The following ATP5F1E variants were observed in gnomAD, a reference collection of about 807,000 sequenced individuals.
ATP5F1E encodes the protein ATP synthase F1 subunit epsilon.
ATP5F1E carries 5 observed loss-of-function variants against 7.0 expected under a neutral mutation model. The observed-to-expected ratio is 0.71, with a 90% CI of 0.37 to 1.49. The LOEUF is 1.49. Among genes scored for constraint, ATP5F1E ranks in the 40% most tolerant of loss-of-function variants. The probability of loss-of-function intolerance (pLI) is 0.03; values close to 1 mark genes in which losing one functional copy is unlikely to be tolerated. For missense variants in ATP5F1E, 59 were observed against 57.1 expected, an observed-to-expected ratio of 1.03 and a Z score of -0.11; for synonymous variants, 20 against 20.1, an observed-to-expected ratio of 0.99 and a Z score of 0.02.
Position 59,032,330 on chromosome 20 carries a change from A to G in ATP5F1E, c.-79T>C, listed in dbSNP as rs1434576965. The G allele has an allele frequency of 3.2e-6, 5 of 1,543,610 alleles. No individual in the cohort carries two copies. The African/African-American group carries it at 5.4e-5, about 17-fold the overall frequency. On this transcript the variant is annotated 5_prime_UTR_variant, in exon 1 of 3. Transcript: ENST00000243997. ...CGGCTCAGCCGGGCGGTTCAGCCGC[A>G]GGAAGATCAGACCACAGAAGCGGAA...
chr20:59,032,056 T>C (rs548953450), intron 1 of ATP5F1E, among the ~76,000 whole-genome samples, 164 bp downstream of exon 1: 4 of 152,348 alleles, frequency 2.6e-5, no homozygotes, highest in African/African-American at 9.6e-5. Flanking sequence ...CGCGCCCGCC[T>C]GAGCGCTTTG....
chr20:59,030,809 T>G (rs2092022863), intron 1 of ATP5F1E, among the ~76,000 whole-genome samples: 2 of 152,244 alleles, frequency 1.3e-5, no homozygotes, highest in Non-Finnish European at 2.9e-5. Flanking sequence ...CCTCGATTTC[T>G]CTCCTTAAAA....
At position 59,026,281 on chromosome 20, in the gene ATP5F1E, C is replaced by CA. The variant is rs1320639110; in HGVS notation, c.*2563dup. 3 of 152,266 alleles carry CA rather than the reference C, an allele frequency of 2.0e-5. No homozygotes were observed. The highest frequency in any genetic ancestry group is 2.9e-5 in the Non-Finnish European group (2 of 68,006). The allele number at this position is 152,266 out of a possible 1,614,324, so 9.4% of individuals were successfully genotyped here. On this transcript the variant is annotated 3_prime_UTR_variant, in exon 3 of 3. Transcript: ENST00000243997. ...CAACAAGTCTTCTATTTACAAACTT[C>CA]AAAAAACACAAAACAACATTCATGT...
chr20:59,031,095 C>T (rs768929038), intron 1 of ATP5F1E, among the ~76,000 whole-genome samples: 9 of 152,158 alleles, frequency 5.9e-5, no homozygotes, highest in Non-Finnish European at 1.0e-4. Context: ...GTCAGATCAC[C>T]TTTCCCACTT....
intron 1 of ATP5F1E, among the ~76,000 whole-genome samples, chr20:59,031,556 T>TA (rs528444313): frequency 1.6e-4 from 24 of 151,382 alleles, no homozygotes; most frequent in South Asian, 4.2e-4. Flanking sequence ...GGTGCACGGG[T>TA]AAAAAAAAAT....
chr20:59,032,033 G>T (rs1189668375), intron 1 of ATP5F1E, among the ~76,000 whole-genome samples, 187 bp downstream of exon 1: 1 of 152,246 alleles, frequency 6.6e-6, no homozygotes, highest in East Asian at 1.9e-4. Context: ...GCGCTCCCAC[G>T]CGAGGTCGAG....
In ATP5F1E at chr20:59,026,512, ACC is replaced by A. The variant is rs1403832089; in HGVS notation, c.*2331_*2332del. On this transcript the variant is annotated 3_prime_UTR_variant, in exon 3 of 3. Coordinates refer to ENST00000243997, the MANE Select transcript of ATP5F1E (RefSeq NM_006886.4). Reference sequence around the variant, plus strand: ...TAGATGTAAGGAAGGAGGGATTTAAACCTTTTAAAAAACTTTTGCTGACTTAT... The same window carrying A: ...TAGATGTAAGGAAGGAGGGATTTAAATTTTAAAAAACTTTTGCTGACTTAT... 1 of 152,208 alleles carries A rather than the reference ACC, an allele frequency of 6.6e-6. No individual in the cohort carries two copies. Among genetic ancestry groups the A allele is most frequent in the Non-Finnish European group, 1.5e-5 (1 of 68,020 alleles). The allele number at this position is 152,208 out of a possible 1,614,324, so 9.4% of individuals were successfully genotyped here.
At chr20:59,031,794 T>C (rs2146384985) in intron 1 of ATP5F1E, among the ~76,000 whole-genome samples, 1 of 152,300 alleles carries the variant, frequency 6.6e-6, no homozygotes, top group Middle Eastern at 3.4e-3. Flanking sequence ...CGATGCTGGA[T>C]TAAAGGTCAA....
chr20:59,032,192 G>A (rs1192721416), intron 1 of ATP5F1E, 28 bp downstream of exon 1: 7 of 1,559,920 alleles, frequency 4.5e-6, no homozygotes, highest in Non-Finnish European at 6.1e-6. Flanking sequence ...GGCTCGCGAA[G>A]CCCTTCCCTC....
chr20:59,030,545 T>C, intron 1 of ATP5F1E, 116 bp from the exon 2 acceptor site: 2 of 1,334,220 alleles, frequency 1.5e-6, no homozygotes, highest in South Asian at 1.2e-5. Flanking sequence ...TGTACCTTAT[T>C]GTAGAATTGG....
chr20:59,030,197 C>T, intron 2 of ATP5F1E, 106 bp downstream of exon 2: 3 of 1,441,214 alleles, frequency 2.1e-6, no homozygotes, highest in Non-Finnish European at 2.8e-6. Context: ...CTTCCAAATA[C>T]ACTGACTAAA....
intron 1 of ATP5F1E, among the ~76,000 whole-genome samples, chr20:59,031,734 G>A (rs1477751022): frequency 6.6e-6 from 1 of 152,048 alleles, no homozygotes; most frequent in Non-Finnish European, 1.5e-5. Flanking sequence ...AAATCAACAG[G>A]ACTTAAAAGT....
Position 59,028,623 on chromosome 20 carries a change from T to C in ATP5F1E, c.*222A>G, listed in dbSNP as rs914809070. 2 of 166,390 alleles carry C rather than the reference T, an allele frequency of 1.2e-5. No individual in the cohort carries two copies. Among genetic ancestry groups the C allele is most frequent in the African/African-American group, 4.8e-5 (2 of 41,456 alleles). The allele number at this position is 166,390 out of a possible 1,614,324, so 10.3% of individuals were successfully genotyped here. A position where few individuals can be genotyped will look rare whatever the true frequency, so the allele number is the denominator to read the frequency against. ...ACCCTGGTTCACATGGCCATAATCA[T>C]GCAGCTGTGCAGACAGTTCCTTTAA... On this transcript the variant is annotated 3_prime_UTR_variant, in exon 3 of 3. Transcript: ENST00000243997.
intron 2 of ATP5F1E, chr20:59,029,615 A>T (rs1340828483): frequency 6.6e-6 from 1 of 152,294 alleles, no homozygotes; most frequent in Non-Finnish European, 1.5e-5. Flanking sequence ...ATGTCAAGAA[A>T]GTACTTTAGA....
chr20:59,032,188 C>A, intron 1 of ATP5F1E, 32 bp downstream of exon 1: 1 of 1,557,294 alleles, frequency 6.4e-7, no homozygotes, highest in Non-Finnish European at 8.7e-7. Flanking sequence ...GGCCGGCTCG[C>A]GAAGCCCTTC....
chr20:59,032,040 C>G (rs1041572228), intron 1 of ATP5F1E, among the ~76,000 whole-genome samples, 180 bp downstream of exon 1: 1 of 152,260 alleles, frequency 6.6e-6, no homozygotes, highest in East Asian at 1.9e-4. Flanking sequence ...CACGCGAGGT[C>G]GAGGCCGCGC....
Position 59,025,724 on chromosome 20 carries a change from G to C in ATP5F1E, c.*3121C>G, listed in dbSNP as rs1254222517. 6.6e-6 allele frequency: 1 copy of C among 152,250 alleles called. No homozygotes were observed. Among genetic ancestry groups the C allele is most frequent in the Non-Finnish European group, 1.5e-5 (1 of 68,042 alleles). The allele number at this position is 152,250 out of a possible 1,614,324, so 9.4% of individuals were successfully genotyped here. A position where few individuals can be genotyped will look rare whatever the true frequency, so the allele number is the denominator to read the frequency against. On this transcript the variant is annotated 3_prime_UTR_variant, in exon 3 of 3. Coordinates refer to ENST00000243997, the MANE Select transcript of ATP5F1E (RefSeq NM_006886.4). Reference sequence around the variant, plus strand: ...GCAACCATTCAAATGCAGGAATTAAGCAGCAATGGCTGCAGTGTCCTTCTC... The same window carrying C: ...GCAACCATTCAAATGCAGGAATTAACCAGCAATGGCTGCAGTGTCCTTCTC...
rs2091993078 is a variant in ATP5F1E at position 59,026,105 on chromosome 20, T to C, written c.*2740A>G. The C allele has an allele frequency of 6.6e-6, 1 of 152,236 alleles. No homozygotes were observed. The highest frequency in any genetic ancestry group is 1.5e-5 in the Non-Finnish European group (1 of 68,042). 9.4% of individuals were successfully genotyped at this position (152,236 alleles called of 1,614,324 possible). On this transcript the variant is annotated 3_prime_UTR_variant, in exon 3 of 3. Transcript: ENST00000243997. ...ACTTGCAGGCAACTGGGTTCTCATC[T>C]CTTGATTTGCTTTTGTAATCAGCAA... is the stretch of plus-strand genomic sequence containing the variant.
intron 1 of ATP5F1E, among the ~76,000 whole-genome samples, chr20:59,031,986 T>G (rs769855417): frequency 6.6e-6 from 1 of 152,256 alleles, no homozygotes; most frequent in Non-Finnish European, 1.5e-5. Flanking sequence ...CTGTGGGTGC[T>G]GGGCCGCACC....
Sources: allele counts gnomAD v4.1 joint callset (sites outside exome capture counted in the v4.1 genomes callset), GRCh38; gene constraint gnomAD v4.1.1; transcripts MANE v1.5; gene names NCBI Gene and HGNC (gene_info 2026-07-23, HGNC 2026-07-21).